NDUFAF2: variants seen among roughly 807,000 people sequenced by gnomAD.
NDUFAF2 encodes NADH dehydrogenase [ubiquinone] 1 alpha subcomplex assembly factor 2.
In NDUFAF2, 13 loss-of-function variants were observed where a neutral mutation model predicts 22.8. The ratio of observed to expected loss-of-function variants is 0.57; its 90% CI spans 0.37 to 0.91. The LOEUF is 0.91. NDUFAF2 is among the 40% of genes least tolerant of loss of function. The pLI, the probability that NDUFAF2 is intolerant of heterozygous loss-of-function variation, is 0.01. For synonymous variants in NDUFAF2, 53 were observed against 64.2 expected, an observed-to-expected ratio of 0.83 and a Z score of 0.84; for missense variants, 162 against 195.2, an observed-to-expected ratio of 0.83 and a Z score of 1.01.
intron 2 of NDUFAF2, among the ~76,000 whole-genome samples, chr5:61,085,701 A>G (rs566696201): frequency 6.6e-6 from 1 of 152,382 alleles, no homozygotes; most frequent in East Asian, 1.9e-4. Context: ...ATATGTCTAC[A>G]TAATAATACC....
chr5:60,967,374 A>G (rs1481948296), intron 1 of NDUFAF2, among the ~76,000 whole-genome samples: 2 of 152,114 alleles, frequency 1.3e-5, no homozygotes, highest in East Asian at 1.9e-4. Flanking sequence ...TTCTGGTACT[A>G]TGTTGAATAC....
chr5:61,012,216 G>A (rs1751451259), intron 1 of NDUFAF2, among the ~76,000 whole-genome samples: 1 of 151,944 alleles, frequency 6.6e-6, no homozygotes, highest in Admixed American at 6.6e-5. Flanking sequence ...TTCAGTTGCT[G>A]TATATGATGA....
chr5:61,044,101 A>G (rs1184682386), intron 1 of NDUFAF2, among the ~76,000 whole-genome samples: 1 of 152,112 alleles, frequency 6.6e-6, no homozygotes, highest in Non-Finnish European at 1.5e-5. Flanking sequence ...TTCCCTGATT[A>G]TTAGTGATTT....
At chr5:61,093,084 G>T (rs556955900) in intron 2 of NDUFAF2, among the ~76,000 whole-genome samples, 3 of 152,192 alleles carry the variant, frequency 2.0e-5, no homozygotes, top group Admixed American at 2.0e-4. Context: ...TCTGAAGTTC[G>T]AGAGCAGGAA....
In NDUFAF2 at chr5:60,993,954, C is replaced by T. The variant is rs184516180; in HGVS notation, c.127+48572C>T. Among the ~76,000 whole-genome samples, 282 of 152,338 alleles carry T rather than the reference C, an allele frequency of 1.9e-3. 1 individual carries two copies. The highest frequency in any genetic ancestry group is 3.2e-3 in the Non-Finnish European group (221 of 68,036). The stretch of plus-strand genomic sequence containing the variant: ...CCTCCTGCCTTTAGGCCCTGCCTGA[C>T]CTGAAGGTGGGGCCTCAGTGGGGAC... On this transcript the variant is annotated intron_variant, in intron 1 of 3. Coordinates refer to ENST00000296597, the MANE Select transcript of NDUFAF2 (RefSeq NM_174889.5).
chr5:61,035,440 T>G (rs1416638563), intron 1 of NDUFAF2, among the ~76,000 whole-genome samples: 1 of 148,294 alleles, frequency 6.7e-6, no homozygotes, highest in East Asian at 2.0e-4. Context: ...TTTTTTTTTT[T>G]TTTTTTTTTT....
At chr5:61,108,324 A>C (rs1265632980) in intron 3 of NDUFAF2, among the ~76,000 whole-genome samples, 1 of 149,718 alleles carries the variant, frequency 6.7e-6, no homozygotes, top group Non-Finnish European at 1.5e-5. Flanking sequence ...CCAACAGTGT[A>C]AAAGTGTTCC....
At chr5:61,039,143 C>CAAAAAAAA in intron 1 of NDUFAF2, among the ~76,000 whole-genome samples, 1 of 82,530 alleles carries the variant, frequency 1.2e-5, no homozygotes, top group South Asian at 3.6e-4. Context: ...GCTGACAGGC[C>CAAAAAAAA]AAAAAAAAAA....
intron 1 of NDUFAF2, among the ~76,000 whole-genome samples, chr5:60,968,093 A>G (rs143044553): frequency 6.6e-6 from 1 of 151,790 alleles, no homozygotes; most frequent in South Asian, 2.1e-4. Context: ...AGAAATTTAT[A>G]TATTTATTCT....
Position 61,035,424 on chromosome 5 carries a change from G to GTTTTTTTTTTTTTTT in NDUFAF2, c.128-37687_128-37673dup, listed in dbSNP as rs768889484. Among the ~76,000 whole-genome samples, 6 of 40,520 alleles carry GTTTTTTTTTTTTTTT rather than the reference G, an allele frequency of 1.5e-4. 1 individual carries two copies. The highest frequency in any genetic ancestry group is 9.9e-4 in the South Asian group (1 of 1,008). 26.6% of individuals were successfully genotyped at this position (40,520 alleles called of 152,430 possible). On this transcript the variant is annotated intron_variant, in intron 1 of 3. Coordinates refer to ENST00000296597, the MANE Select transcript of NDUFAF2 (RefSeq NM_174889.5). ...GACAACTCTCTTTCTCTCTTGCTCT[G>GTTTTTTTTTTTTTTT]TTTTTTTTTTTTTTTTTTTTTTTTT...
intron 3 of NDUFAF2, among the ~76,000 whole-genome samples, chr5:61,104,931 A>C (rs1446930392): frequency 6.6e-6 from 1 of 152,160 alleles, no homozygotes; most frequent in Non-Finnish European, 1.5e-5. Flanking sequence ...AGAATTGGCT[A>C]CAATTTTCAA....
chr5:60,981,109 A>G lies in NDUFAF2; in HGVS notation c.127+35727A>G, dbSNP rs894708363. On this transcript the variant is annotated intron_variant, in intron 1 of 3. Coordinates refer to ENST00000296597, the MANE Select transcript of NDUFAF2 (RefSeq NM_174889.5). ...GTTATACAACAACTAAGCAGGTTTA[A>G]CCCAAATAAGACTACCTGAAGACAT... Among the ~76,000 whole-genome samples the G allele has an allele frequency of 7.2e-5, 11 of 152,284 alleles. 1 individual carries two copies. The South Asian group carries it at 1.7e-3, about 23-fold the overall frequency.
At chr5:61,056,016 TTAACA>T (rs1007683098) in intron 1 of NDUFAF2, among the ~76,000 whole-genome samples, 2 of 152,148 alleles carry the variant, frequency 1.3e-5, no homozygotes, top group Non-Finnish European at 1.5e-5. Context: ...ATAAGCCAAA[TTAACA>T]TAATATTATT....
At chr5:61,127,074 A>C (rs946824205) in intron 3 of NDUFAF2, among the ~76,000 whole-genome samples, 3 of 152,208 alleles carry the variant, frequency 2.0e-5, no homozygotes, top group African/African-American at 7.2e-5. Context: ...CACCCTCCCA[A>C]GACTAAACCA....
intron 2 of NDUFAF2, among the ~76,000 whole-genome samples, chr5:61,085,562 T>G (rs1752496072): frequency 6.6e-6 from 1 of 152,038 alleles, no homozygotes; most frequent in Non-Finnish European, 1.5e-5. Context: ...AATAAAGCAA[T>G]AAAAATAAAT....
chr5:61,102,675 A>T (rs1752717211), intron 3 of NDUFAF2, among the ~76,000 whole-genome samples: 1 of 152,282 alleles, frequency 6.6e-6, no homozygotes, highest in African/African-American at 2.4e-5. Flanking sequence ...ATTAAATTCT[A>T]ATGCTCATTA....
In NDUFAF2 at chr5:61,071,428, A is replaced by G. The variant is rs115682152; in HGVS notation, c.128-1697A>G. On this transcript the variant is annotated intron_variant, in intron 1 of 3. Coordinates refer to ENST00000296597, the MANE Select transcript of NDUFAF2 (RefSeq NM_174889.5). ...CTTTCACTTAATATTACTAAGATGG[A>G]AGAAATAAAACCAGCCATTCAGCTT... 7.2e-3 allele frequency among the ~76,000 whole-genome samples: 1,096 copies of G among 152,292 alleles called. 10 individuals carry two copies. The highest frequency in any genetic ancestry group is 0.025 in the African/African-American group (1,054 of 41,570).
chr5:61,133,420 G>C (rs1325946593), intron 3 of NDUFAF2, among the ~76,000 whole-genome samples: 1 of 152,164 alleles, frequency 6.6e-6, no homozygotes, highest in East Asian at 1.9e-4. Flanking sequence ...AAGAAAAATA[G>C]AGAAATATTT....
At chr5:61,031,844 A>C (rs940073907) in intron 1 of NDUFAF2, among the ~76,000 whole-genome samples, 2 of 152,216 alleles carry the variant, frequency 1.3e-5, no homozygotes, top group African/African-American at 4.8e-5. Context: ...TCTCACCAAC[A>C]GTGTAAAAGC....
Sources: allele counts gnomAD v4.1 joint callset (sites outside exome capture counted in the v4.1 genomes callset), GRCh38; gene constraint gnomAD v4.1.1; transcripts MANE v1.5; gene names NCBI Gene and HGNC (gene_info 2026-07-23, HGNC 2026-07-21).